The following BCAS3 variants were observed in gnomAD, a reference collection of about 807,000 sequenced individuals.
BCAS3 encodes the protein BCAS3 microtubule associated cell migration factor.
Under a neutral mutation model 116.1 loss-of-function variants are expected in BCAS3, and 53 were observed. The observed-to-expected ratio is 0.46, with a 90% CI of 0.37 to 0.57. The LOEUF (loss-of-function observed/expected upper bound fraction) is 0.57. BCAS3 is among the 20% of genes least tolerant of loss of function. BCAS3 has a pLI of 0.00. For synonymous variants in BCAS3, 391 were observed against 408.2 expected, an observed-to-expected ratio of 0.96 and a Z score of 0.51; for missense variants, 917 against 1,165.4, an observed-to-expected ratio of 0.79 and a Z score of 3.10.
At chr17:60,937,214 A>G (rs1308114469) in intron 13 of BCAS3, among the ~76,000 whole-genome samples, 3 of 144,880 alleles carry the variant, frequency 2.1e-5, no homozygotes, top group South Asian at 2.2e-4. Flanking sequence ...TCTTTTTTTT[A>G]CCCCTCACCA....
intron 6 of BCAS3, among the ~76,000 whole-genome samples, chr17:60,784,350 G>C (rs2046099771): frequency 6.8e-6 from 1 of 147,532 alleles, no homozygotes; most frequent in Non-Finnish European, 1.5e-5. Context: ...TCGCCCAGGA[G>C]GGCAGTGACA....
rs761597492 is a variant in BCAS3 at position 61,211,551 on chromosome 17, G to A, written c.2425+126987G>A. Among the ~76,000 whole-genome samples the A allele has an allele frequency of 1.3e-4, 20 of 152,138 alleles. No individual in the cohort carries two copies. The highest frequency in any genetic ancestry group is 2.6e-4 in the Non-Finnish European group (18 of 68,034). On this transcript the variant is annotated intron_variant, in intron 22 of 23. Coordinates refer to ENST00000407086, the MANE Select transcript of BCAS3 (RefSeq NM_017679.5). This position sits in a 1 kb window ranked among gnomAD's most constrained non-coding sequence, Gnocchi z 4.4. ...AAAAGCACTGTCTACAACAGCAGAG[G>A]TGGCCGAGAAAGGCAGACAGGCTCT... is the stretch of plus-strand genomic sequence containing the variant.
intron 7 of BCAS3, among the ~76,000 whole-genome samples, chr17:60,867,007 C>G (rs755181197): frequency 7.2e-5 from 11 of 151,816 alleles, no homozygotes; most frequent in Non-Finnish European, 8.8e-5. Flanking sequence ...CATATACATT[C>G]TAGAATGAGA....
chr17:60,785,931 A>G (rs1446236889), intron 6 of BCAS3, among the ~76,000 whole-genome samples: 4 of 152,218 alleles, frequency 2.6e-5, no homozygotes, highest in Non-Finnish European at 5.9e-5. Context: ...AACCATTTAC[A>G]TAGCATTCAC....
At chr17:60,988,110 T>C (rs987190676) in intron 14 of BCAS3, among the ~76,000 whole-genome samples, 1 of 152,008 alleles carries the variant, frequency 6.6e-6, no homozygotes, top group Admixed American at 6.6e-5. Context: ...ATTATTCTCT[T>C]GATAGAACAT....
intron 13 of BCAS3, among the ~76,000 whole-genome samples, chr17:60,927,684 A>C (rs1157474486): frequency 2.0e-5 from 3 of 152,198 alleles, no homozygotes; most frequent in Admixed American, 1.3e-4. Context: ...TTCATATAGC[A>C]ATCTATGAAG....
rs1218834997 is a variant in BCAS3 at position 61,126,926 on chromosome 17, C to T, written c.2425+42362C>T. The stretch of plus-strand genomic sequence containing the variant: ...ATACAAAATGTGTTAAGATTTCTTT[C>T]TGGGTTATTTTTCCAAGCGGGTAGT... On this transcript the variant is annotated intron_variant, in intron 22 of 23. Coordinates refer to ENST00000407086, the MANE Select transcript of BCAS3 (RefSeq NM_017679.5). The surrounding 1 kb of genome is among the most constrained non-coding windows in gnomAD (Gnocchi z 4.6). 2.0e-5 allele frequency among the ~76,000 whole-genome samples: 3 copies of T among 152,044 alleles called. No individual in the cohort carries two copies. The highest frequency in any genetic ancestry group is 4.4e-5 in the Non-Finnish European group (3 of 67,994).
At chr17:60,957,391 C>G (rs1293038836) in intron 14 of BCAS3, among the ~76,000 whole-genome samples, 1 of 152,010 alleles carries the variant, frequency 6.6e-6, no homozygotes, top group Non-Finnish European at 1.5e-5. Flanking sequence ...CCAAATATTT[C>G]CTAGTTATGG....
intron 9 of BCAS3, among the ~76,000 whole-genome samples, chr17:60,875,993 A>G (rs978039314): frequency 4.6e-5 from 7 of 152,048 alleles, no homozygotes; most frequent in African/African-American, 1.4e-4. Context: ...TAATTTGTAC[A>G]TATTTATTAT....
intron 23 of BCAS3, among the ~76,000 whole-genome samples, chr17:61,369,086 G>T (rs978076799): frequency 6.6e-6 from 1 of 152,324 alleles, no homozygotes; most frequent in East Asian, 1.9e-4. Context: ...GTTCATGTGC[G>T]CACACACGCA....
At chr17:61,273,166 G>A (rs371707857) in intron 22 of BCAS3, among the ~76,000 whole-genome samples, 2 of 150,776 alleles carry the variant, frequency 1.3e-5, no homozygotes, top group Non-Finnish European at 3.0e-5. Flanking sequence ...GGAGTGCAGT[G>A]GCATGATCAT....
chr17:61,000,025 G>C (rs1396873591), intron 15 of BCAS3, among the ~76,000 whole-genome samples: 1 of 152,092 alleles, frequency 6.6e-6, no homozygotes, highest in Non-Finnish European at 1.5e-5. Context: ...TAATTTATCA[G>C]GTTAAGGAGT....
At chr17:61,177,458 C>T (rs1278178308) in intron 22 of BCAS3, among the ~76,000 whole-genome samples, 1 of 152,174 alleles carries the variant, frequency 6.6e-6, no homozygotes, top group Admixed American at 6.5e-5. Context: ...TGAATACATA[C>T]TGTACGGCTT....
chr17:60,851,629 A>C (rs992498663), intron 7 of BCAS3: 1 of 688,224 alleles, frequency 1.5e-6, no homozygotes, highest in Non-Finnish European at 2.7e-6. Context: ...AGGGGAGCAA[A>C]GGGAAAACAG....
intron 9 of BCAS3, among the ~76,000 whole-genome samples, chr17:60,879,119 C>T (rs76792990): frequency 0.031 from 4,679 of 152,066 alleles, 183 homozygotes; most frequent in East Asian, 0.09. Flanking sequence ...TGGGACAGGG[C>T]ATACTGAGAT....
chr17:60,860,181 A>G (rs989177435), intron 7 of BCAS3, among the ~76,000 whole-genome samples: 4 of 152,354 alleles, frequency 2.6e-5, no homozygotes, highest in Non-Finnish European at 5.9e-5. Context: ...GCTTTTTAGT[A>G]ATAGCCATTC....
chr17:61,366,872 C>T lies in BCAS3; in HGVS notation c.2426-1455C>T, dbSNP rs1023427565. On this transcript the variant is annotated intron_variant, in intron 22 of 23. Transcript: ENST00000407086. The surrounding 1 kb of genome is among the most constrained non-coding windows in gnomAD (Gnocchi z 4.5). ...AGTGACCCTTGCCACACATATAAAT[C>T]GCAGCAGGCTGGCCAAGGGCCTTTG... 6.6e-6 allele frequency among the ~76,000 whole-genome samples: 1 copy of T among 152,224 alleles called. No individual in the cohort carries two copies. The highest frequency in any genetic ancestry group is 2.4e-5 in the African/African-American group (1 of 41,456).
At chr17:60,955,290 A>C (rs1446884950) in intron 14 of BCAS3, among the ~76,000 whole-genome samples, 1 of 152,118 alleles carries the variant, frequency 6.6e-6, no homozygotes, top group Non-Finnish European at 1.5e-5. Flanking sequence ...TAAAAAAGTC[A>C]AATCAATAAA....
intron 22 of BCAS3, among the ~76,000 whole-genome samples, chr17:61,358,371 T>C (rs1373074774): frequency 2.0e-5 from 3 of 152,182 alleles, no homozygotes; most frequent in East Asian, 3.8e-4. Context: ...AAATACCATA[T>C]TGTAGGGCTG....
Sources: gnomAD v4.1 joint callset for allele counts (sites outside exome capture counted in the v4.1 genomes callset) on GRCh38, gnomAD v4.1.1 for gene constraint, Gnocchi (gnomAD v3.1) non-coding constraint, MANE v1.5 for transcripts, NCBI Gene and HGNC (gene_info 2026-07-23, HGNC 2026-07-21) for gene names.